Variants in AFF2 observed in about 807,000 individuals in gnomAD.
The protein encoded by AFF2 is AF4/FMR2 family member 2.
A neutral mutation model predicts 76.9 loss-of-function variants in AFF2; 14 were observed. That is an observed-to-expected ratio of 0.18 (90% confidence interval 0.12 to 0.28). AFF2 has a LOEUF of 0.28. Among genes scored for constraint, AFF2 ranks in the 10% least tolerant of loss-of-function variants. The pLI is 1.00. For synonymous variants in AFF2, 398 were observed against 366.7 expected, an observed-to-expected ratio of 1.09 and a Z score of -0.98; for missense variants, 868 against 1,001.1, an observed-to-expected ratio of 0.87 and a Z score of 1.79.
chrX:148,636,790 C>T (rs2054035769), intron 1 of AFF2, among the ~76,000 whole-genome samples: 2 of 104,948 alleles, frequency 1.9e-5, no homozygotes, highest in African/African-American at 6.9e-5. Flanking sequence ...ATTTTTTCCA[C>T]CTATTGTAAG....
At chrX:148,585,772 T>A (rs1208677829) in intron 1 of AFF2, among the ~76,000 whole-genome samples, 1 of 99,256 alleles carries the variant, frequency 1.0e-5, no homozygotes, top group Non-Finnish European at 2.0e-5. Context: ...ACCCGGCAAG[T>A]GGAGCTTGCA....
At chrX:148,606,048 T>G (rs2053669511) in intron 1 of AFF2, among the ~76,000 whole-genome samples, 1 of 112,637 alleles carries the variant, frequency 8.9e-6, no homozygotes. Context: ...TCTGATGTGA[T>G]GCACTGAGAA....
chrX:148,975,247 T>C (rs1219425752), intron 16 of AFF2, among the ~76,000 whole-genome samples: 1 of 111,877 alleles, frequency 8.9e-6, no homozygotes, highest in Admixed American at 9.5e-5. Context: ...GAGTTTTCTC[T>C]CCTGAAGAAA....
chrX:148,759,715 C>T (rs2069417667), intron 3 of AFF2, among the ~76,000 whole-genome samples: 1 of 111,731 alleles, frequency 9.0e-6, no homozygotes, highest in African/African-American at 3.3e-5. Context: ...ATTATGTTAT[C>T]CTAGGAATAG....
At chrX:148,872,111 T>TA (rs1247588841) in intron 7 of AFF2, among the ~76,000 whole-genome samples, 10 of 110,290 alleles carry the variant, frequency 9.1e-5, no homozygotes, top group Admixed American at 3.9e-4. Flanking sequence ...CTTTTTTTTT[T>TA]AAAAAAGACG....
chrX:148,784,997 G>A (rs893442489), intron 3 of AFF2, among the ~76,000 whole-genome samples: 3 of 111,593 alleles, frequency 2.7e-5, no homozygotes, highest in African/African-American at 9.8e-5. Flanking sequence ...ATACATTTGG[G>A]AAACAATCAG....
intron 9 of AFF2, among the ~76,000 whole-genome samples, chrX:148,936,515 T>G (rs1438188476): frequency 1.8e-5 from 2 of 112,665 alleles, no homozygotes; most frequent in Non-Finnish European, 3.8e-5. Context: ...GTTTGCTAAA[T>G]TGGAAGATTA....
intron 1 of AFF2, among the ~76,000 whole-genome samples, chrX:148,650,627 TAA>T (rs1557256217): frequency 8.9e-6 from 1 of 112,244 alleles, no homozygotes; most frequent in Non-Finnish European, 1.9e-5. Context: ...ATCCAGGAGA[TAA>T]AGTTATCAAA....
At chrX:148,935,128 A>T (rs1021136667) in intron 9 of AFF2, among the ~76,000 whole-genome samples, 19 of 109,913 alleles carry the variant, frequency 1.7e-4, no homozygotes, top group Non-Finnish European at 1.3e-4. Flanking sequence ...AGAACTCAAC[A>T]AACAAAGTTT....
chrX:148,510,631 A>G lies in AFF2; in HGVS notation c.47+9487A>G, dbSNP rs192722128. Among the ~76,000 whole-genome samples the G allele has an allele frequency of 3.8e-4, 43 of 112,154 alleles. No individual in the cohort carries two copies. The East Asian group carries it at 8.7e-3, about 23-fold the overall frequency. On this transcript the variant is annotated intron_variant, in intron 1 of 20. Coordinates refer to ENST00000370460, the MANE Select transcript of AFF2 (RefSeq NM_002025.4). ...TTCCAGATATCTACTCCAACAAGAG[A>G]CACACAAGTCTGTTCCTCTTTGGTG...
At chrX:148,633,465 A>G (rs1310868538) in intron 1 of AFF2, among the ~76,000 whole-genome samples, 1 of 112,309 alleles carries the variant, frequency 8.9e-6, no homozygotes, top group Non-Finnish European at 1.9e-5. Context: ...ACACACACGC[A>G]TACACAAGCC....
intron 7 of AFF2, among the ~76,000 whole-genome samples, chrX:148,851,611 T>G (rs1429400868): frequency 4.5e-5 from 5 of 111,660 alleles, no homozygotes; most frequent in African/African-American, 1.6e-4. Flanking sequence ...AGCTAACGAT[T>G]TAGCAACCTA....
rs188060438 is a variant in AFF2 at position 148,945,152 on chromosome X, C to T, written c.1398-8428C>T. 1.1e-4 allele frequency among the ~76,000 whole-genome samples: 12 copies of T among 111,297 alleles called. No homozygotes were observed. The East Asian group carries it at 3.1e-3, about 29-fold the overall frequency. ...TGGGCAGTGGCAAGCCACCTTTGAA[C>T]GTCATTAGTGATCCATAGGACGTGC... On this transcript the variant is annotated intron_variant, in intron 9 of 20. Coordinates refer to ENST00000370460, the MANE Select transcript of AFF2 (RefSeq NM_002025.4).
chrX:148,566,518 G>A (rs372573725), intron 1 of AFF2, among the ~76,000 whole-genome samples: 12 of 111,245 alleles, frequency 1.1e-4, no homozygotes, highest in Admixed American at 9.6e-4. Context: ...GCAATGAAAT[G>A]CAGCAATTCA....
chrX:148,866,266 A>G (rs1433492535), intron 7 of AFF2, among the ~76,000 whole-genome samples: 1 of 112,379 alleles, frequency 8.9e-6, no homozygotes, highest in Non-Finnish European at 1.9e-5. Flanking sequence ...TTAATTAAAT[A>G]AAGTGTAATT....
chrX:148,629,029 A>G lies in AFF2; in HGVS notation c.48-22970A>G, dbSNP rs17252208. Among the ~76,000 whole-genome samples the G allele has an allele frequency of 8.9e-3, 1,000 of 111,895 alleles. 11 individuals are homozygous for G. The highest frequency in any genetic ancestry group is 0.015 in the Non-Finnish European group (789 of 53,180). On this transcript the variant is annotated intron_variant, in intron 1 of 20. Coordinates refer to ENST00000370460, the MANE Select transcript of AFF2 (RefSeq NM_002025.4). Reference sequence around the variant, plus strand: ...AAGTGTATCTCATTTTAAAGTAATTATCCAAGGAAAATAGAAACCTCATAA... The same window carrying G: ...AAGTGTATCTCATTTTAAAGTAATTGTCCAAGGAAAATAGAAACCTCATAA...
At chrX:148,583,720 A>G (rs1279113617) in intron 1 of AFF2, among the ~76,000 whole-genome samples, 1 of 112,161 alleles carries the variant, frequency 8.9e-6, no homozygotes, top group Non-Finnish European at 1.9e-5. Flanking sequence ...CTGACATAAC[A>G]GGGTTCATTC....
intron 1 of AFF2, among the ~76,000 whole-genome samples, chrX:148,643,686 G>T (rs782550199): frequency 1.8e-5 from 2 of 111,609 alleles, no homozygotes; most frequent in South Asian, 7.6e-4. Context: ...AAGAGGACAA[G>T]GAAGTGCTTG....
At chrX:148,981,846 C>T (rs1279625292) in intron 19 of AFF2, among the ~76,000 whole-genome samples, 2 of 112,473 alleles carry the variant, frequency 1.8e-5, no homozygotes, top group Non-Finnish European at 3.7e-5. Context: ...ACAATGAACT[C>T]TACTTTGAAA....
Sources: allele counts gnomAD v4.1 joint callset (sites outside exome capture counted in the v4.1 genomes callset), GRCh38; gene constraint gnomAD v4.1.1; transcripts MANE v1.5; gene names NCBI Gene and HGNC (gene_info 2026-07-23, HGNC 2026-07-21).